Variants in PHC2 observed in about 807,000 individuals in gnomAD.
PHC2 encodes the protein polyhomeotic homolog 2.
In PHC2, 29 loss-of-function variants were observed where a neutral mutation model predicts 87.4. The observed-to-expected ratio is 0.33, with a 90% CI of 0.25 to 0.45. The LOEUF (loss-of-function observed/expected upper bound fraction) is 0.45, where lower values mean the gene tolerates loss of function less well. Among genes scored for constraint, PHC2 ranks in the 20% least tolerant of loss-of-function variants. The pLI, the probability that PHC2 is intolerant of heterozygous loss-of-function variation, is 1.00. For missense variants in PHC2, 857 were observed against 1,136.7 expected, an observed-to-expected ratio of 0.75 and a Z score of 3.54; for synonymous variants, 438 against 461.7, an observed-to-expected ratio of 0.95 and a Z score of 0.66.
Position 33,331,442 on chromosome 1 carries a change from G to T in PHC2, c.1912C>A (p.Pro638Thr). Residue 638 changes from proline to threonine, a missense_variant, in exon 12 of 15, where the codon CCC becomes ACC. Pro to Thr is a conservative substitution (Grantham distance 38). Coordinates refer to ENST00000683057, the MANE Select transcript of PHC2 (RefSeq NM_001385109.1). This position sits in a 1 kb window ranked among gnomAD's most constrained non-coding sequence, Gnocchi z 5.2. ...CAGAGCTCACACTTGAGTTTGAGGG[G>T]AGCACCCTCCTCTTTGGATTCTGAA... Reference protein sequence around the residue: ...YLQESKEEGAPLKLKCELCGR... With the variant: ...YLQESKEEGATLKLKCELCGR... 6.2e-7 allele frequency: 1 copy of T among 1,603,748 alleles called. No individual in the cohort carries two copies. The highest frequency in any genetic ancestry group is 8.5e-7 in the Non-Finnish European group (1 of 1,171,108).
In PHC2 at chr1:33,372,388, C is replaced by T. The variant is rs1196273564; in HGVS notation, c.234G>A (p.Met78Ile). Residue 78 changes from methionine to isoleucine, a missense_variant, in exon 3 of 15, where the codon ATG becomes ATA. Met to Ile is a conservative substitution (Grantham distance 10). Coordinates refer to ENST00000683057, the MANE Select transcript of PHC2 (RefSeq NM_001385109.1). ...PSTAAQYLQQMYAAQQQHLML... is the reference protein window; with the variant it reads ...PSTAAQYLQQIYAAQQQHLML... ...TGAGGTGCTGCTGCTGGGCGGCGTA[C>T]ATCTGCTGCAGGTACTGAGCGGCCG... 1 of 1,607,370 alleles carries T rather than the reference C, an allele frequency of 6.2e-7. No homozygotes were observed. Among genetic ancestry groups the T allele is most frequent in the Non-Finnish European group, 8.5e-7 (1 of 1,176,260 alleles).
intron 1 of PHC2, among the ~76,000 whole-genome samples, chr1:33,386,906 A>G (rs148740280): frequency 2.2e-3 from 331 of 152,224 alleles, no homozygotes; most frequent in African/African-American, 6.6e-3. Context: ...CACAGCTACT[A>G]TTTCTAGAGT....
At chr1:33,398,664 T>C (rs1649392793) in intron 1 of PHC2, among the ~76,000 whole-genome samples, 1 of 152,242 alleles carries the variant, frequency 6.6e-6, no homozygotes. Context: ...GGTAGTGCAG[T>C]TCTGCCCACA....
chr1:33,336,592 A>C (rs1203994093), intron 9 of PHC2: 1 of 152,186 alleles, frequency 6.6e-6, no homozygotes. Flanking sequence ...CCTTTCTTTT[A>C]GAATTAGTCT....
chr1:33,367,246 G>T lies in PHC2; in HGVS notation c.846C>A (p.Gly282=). The T allele has an allele frequency of 6.2e-7, 1 of 1,614,142 alleles. No homozygotes were observed. The highest frequency in any genetic ancestry group is 8.5e-7 in the Non-Finnish European group (1 of 1,179,990). ...GTGGCTCCATCACACTGTCAGCTATGCCAGGCTTGGCACCTGCAGGGGAAG... is the reference window on the plus strand; with the variant it reads ...GTGGCTCCATCACACTGTCAGCTATTCCAGGCTTGGCACCTGCAGGGGAAG... ...AQASPAGAKP[G]IADSVMEPHK... Residue 282 remains glycine (G), a synonymous_variant, in exon 7 of 15, where the codon GGC becomes GGA. Transcript: ENST00000683057.
intron 1 of PHC2, among the ~76,000 whole-genome samples, chr1:33,401,102 G>A (rs980829712): frequency 6.6e-6 from 1 of 152,034 alleles, no homozygotes; most frequent in African/African-American, 2.4e-5. Flanking sequence ...CGAGGTAGGC[G>A]AATCAAAAGG....
At position 33,334,911 on chromosome 1, in the gene PHC2, T is replaced by C. The variant is rs765923273; in HGVS notation, c.1559-619A>G. 2.6e-5 allele frequency among the ~76,000 whole-genome samples: 4 copies of C among 152,238 alleles called. No individual in the cohort carries two copies. Among genetic ancestry groups the C allele is most frequent in the Non-Finnish European group, 4.4e-5 (3 of 68,034 alleles). On this transcript the variant is annotated intron_variant, in intron 9 of 14. Transcript: ENST00000683057. The surrounding 1 kb of genome is among the most constrained non-coding windows in gnomAD (Gnocchi z 5.5). ...CATCTGGGGTCAGTGCATTGAAATA[T>C]GCAGAAATTCCATTTCTCTGCTAAG...
At chr1:33,373,340 C>T (rs571803630) in intron 2 of PHC2, among the ~76,000 whole-genome samples, 10 of 152,206 alleles carry the variant, frequency 6.6e-5, no homozygotes, top group East Asian at 1.9e-4. Context: ...AGGCTGGTCT[C>T]GAACTCCTGA....
At chr1:33,329,684 G>A (rs959025571) in intron 13 of PHC2, among the ~76,000 whole-genome samples, 1 of 152,108 alleles carries the variant, frequency 6.6e-6, no homozygotes, top group South Asian at 2.1e-4. Context: ...CTGTGCTCGC[G>A]TGTTCAGGGA....
chr1:33,373,669 A>G (rs1647994682), intron 2 of PHC2, among the ~76,000 whole-genome samples: 1 of 151,856 alleles, frequency 6.6e-6, no homozygotes, highest in Admixed American at 6.6e-5. Flanking sequence ...CCCTTCTCCC[A>G]CTGGTCACCC....
intron 1 of PHC2, among the ~76,000 whole-genome samples, chr1:33,421,604 A>G (rs1179601664): frequency 6.6e-6 from 1 of 152,174 alleles, no homozygotes; most frequent in Admixed American, 6.6e-5. Context: ...GAAACAGAGG[A>G]TAGACAAGAG....
At chr1:33,346,846 C>T (rs1646853686) in intron 9 of PHC2, 1 of 985,308 alleles carries the variant, frequency 1.0e-6, no homozygotes, top group African/African-American at 1.7e-5. Context: ...GAAAAGTAGA[C>T]AAAAAGACAC....
intron 1 of PHC2, among the ~76,000 whole-genome samples, chr1:33,414,219 A>G (rs948169943): frequency 2.2e-4 from 33 of 149,322 alleles, no homozygotes; most frequent in African/African-American, 6.7e-4. Context: ...ACACACACAC[A>G]AGAAAGGTTA....
intron 3 of PHC2, 95 bp downstream of exon 3, chr1:33,372,194 G>C: frequency 8.1e-7 from 1 of 1,240,434 alleles, no homozygotes; most frequent in East Asian, 2.5e-5. Context: ...GTAAGAGAAG[G>C]ATGTGAAGCG....
At chr1:33,359,935 C>T (rs1647164434) in intron 7 of PHC2, among the ~76,000 whole-genome samples, 1 of 152,216 alleles carries the variant, frequency 6.6e-6, no homozygotes, top group Non-Finnish European at 1.5e-5. Flanking sequence ...CTAAGTTACG[C>T]TAGCACCTTC....
intron 1 of PHC2, among the ~76,000 whole-genome samples, chr1:33,428,635 T>G (rs188511168): frequency 4.7e-4 from 71 of 152,334 alleles, no homozygotes; most frequent in African/African-American, 1.6e-3. Flanking sequence ...TGATGGCTAA[T>G]GAGGTTAAAT....
chr1:33,352,926 C>G (rs999672813), intron 9 of PHC2, among the ~76,000 whole-genome samples: 2 of 152,086 alleles, frequency 1.3e-5, no homozygotes, highest in Non-Finnish European at 2.9e-5. Context: ...CTAGGGCTGT[C>G]GTGAGTGAGT....
intron 9 of PHC2, among the ~76,000 whole-genome samples, chr1:33,343,091 A>G (rs763116095): frequency 6.6e-6 from 1 of 152,164 alleles, no homozygotes; most frequent in Non-Finnish European, 1.5e-5. Flanking sequence ...GTTTCAGTAA[A>G]TATTATATAT....
Position 33,372,270 on chromosome 1 carries a change from G to A in PHC2, c.333+19C>T. On this transcript the variant is annotated intron_variant, in intron 3 of 14. Transcript: ENST00000683057. ...CCAGGATGCCTGGCACCAGCCTCAA[G>A]GTCCTTCCCAAGTCTCACCTGCTGT... The A allele has an allele frequency of 6.6e-7, 1 of 1,504,780 alleles. No individual in the cohort carries two copies. Among genetic ancestry groups the A allele is most frequent in the Non-Finnish European group, 8.9e-7 (1 of 1,117,778 alleles). 93.2% of individuals were successfully genotyped at this position (1,504,780 alleles called of 1,614,324 possible).
Sources: gnomAD v4.1 joint callset for allele counts (sites outside exome capture counted in the v4.1 genomes callset) on GRCh38, gnomAD v4.1.1 for gene constraint, Gnocchi (gnomAD v3.1) non-coding constraint, MANE v1.5 for transcripts, NCBI Gene and HGNC (gene_info 2026-07-23, HGNC 2026-07-21) for gene names.